CREBBP: variants seen among roughly 807,000 people sequenced by gnomAD.
CREBBP encodes CREB binding lysine acetyltransferase, also known as CREB-binding protein.
Under a neutral mutation model 265.0 loss-of-function variants are expected in CREBBP, and 19 were observed. The observed-to-expected ratio is 0.07, with a 90% confidence interval of 0.05 to 0.11. The LOEUF is 0.11. Among genes scored for constraint, CREBBP ranks in the 10% least tolerant of loss-of-function variants. The pLI, the probability that CREBBP is intolerant of heterozygous loss-of-function variation, is 1.00. For synonymous variants in CREBBP, 1,457 were observed against 1,223.7 expected, an observed-to-expected ratio of 1.19 and a Z score of -3.98; for missense variants, 2,525 against 3,219.0, an observed-to-expected ratio of 0.78 and a Z score of 5.22.
At chr16:3,849,466 TGTGTGTGTGTGTGTGTGTGTGTGA>T in intron 2 of CREBBP, among the ~76,000 whole-genome samples, 2 of 131,094 alleles carry the variant, frequency 1.5e-5, no homozygotes, top group Middle Eastern at 3.7e-3. Context: ...TGTGTGTGTG[TGTGTGTGTGTGTGTGTGTGTGTGA>T]TGTGCGTGAC....
rs2141490888 is a variant in CREBBP, at chr16:3,850,468, C to T, written c.627G>A (p.Met209Ile). Residue 209 changes from methionine to isoleucine, a missense_variant, in exon 2 of 31, where the codon ATG (methionine) becomes ATA (isoleucine). By Grantham distance (10) the Met-to-Ile change is conservative (BLOSUM62 1). Coordinates refer to ENST00000262367, the MANE Select transcript of CREBBP (RefSeq NM_004380.3). ...NQASQGQAQVMNGSLGAAGRG... is the reference protein window; with the variant it reads ...NQASQGQAQVINGSLGAAGRG... ...TGCCAGCAGCCCCAAGAGATCCATT[C>T]ATGACTTGCGCCTGCCCTTGTGAAG... 1.2e-6 allele frequency: 2 copies of T among 1,614,272 alleles called. No homozygotes were observed. The highest frequency in any genetic ancestry group is 1.7e-6 in the Non-Finnish European group (2 of 1,180,054).
chr16:3,828,937 T>C (rs1289923378), intron 2 of CREBBP, among the ~76,000 whole-genome samples: 5 of 152,152 alleles, frequency 3.3e-5, no homozygotes, highest in Non-Finnish European at 7.3e-5. Context: ...GGCATGTCCT[T>C]TTCTGCTCTT....
At chr16:3,854,992 TTACA>T (rs953039371) in intron 1 of CREBBP, among the ~76,000 whole-genome samples, 2 of 152,222 alleles carry the variant, frequency 1.3e-5, no homozygotes, top group African/African-American at 4.8e-5. Context: ...CAACATCCTC[TTACA>T]TAATCACAGT....
chr16:3,784,950 A>G (rs2053352485), intron 5 of CREBBP, among the ~76,000 whole-genome samples: 1 of 152,228 alleles, frequency 6.6e-6, no homozygotes, highest in Admixed American at 6.5e-5. Context: ...TTAAAAGAAA[A>G]TATACCTATG....
intron 3 of CREBBP, among the ~76,000 whole-genome samples, chr16:3,796,954 C>G (rs959327913): frequency 6.6e-6 from 1 of 152,190 alleles, no homozygotes; most frequent in African/African-American, 2.4e-5. Context: ...TTGTCTGGGA[C>G]TAGCTTAGTT....
rs770489187 is a variant in CREBBP at position 3,731,157 on chromosome 16, C to G, written c.5172+35G>C. On this transcript the variant is annotated intron_variant, in intron 30 of 30. Transcript: ENST00000262367. The surrounding 1 kb of genome is among the most constrained non-coding windows in gnomAD (Gnocchi z 7.7). The stretch of plus-strand genomic sequence containing the variant: ...ACAGGATGCTTCGTCAGACCCCAGG[C>G]CGGCTGTGGGGGTGGGGGTGGGGGC... 2 of 1,599,330 alleles carry G rather than the reference C, an allele frequency of 1.3e-6. No homozygotes were observed. Among genetic ancestry groups the G allele is most frequent in the Non-Finnish European group, 1.7e-6 (2 of 1,171,932 alleles).
At chr16:3,762,182 C>T (rs191725811) in intron 16 of CREBBP, among the ~76,000 whole-genome samples, 21 of 152,228 alleles carry the variant, frequency 1.4e-4, no homozygotes, top group East Asian at 1.4e-3. Flanking sequence ...GGCCTCAGGA[C>T]GCACAAAGCC....
rs374826846 is a variant in CREBBP at position 3,728,378 on chromosome 16, C to T, written c.6669G>A (p.Gly2223=). The T allele has an allele frequency of 1.9e-6, 3 of 1,613,516 alleles. No homozygotes were observed. Among genetic ancestry groups the T allele is most frequent in the Non-Finnish European group, 2.5e-6 (3 of 1,179,778 alleles). Residue 2223 remains glycine (G), a synonymous_variant, in exon 31 of 31, where the codon GGG becomes GGA. Transcript: ENST00000262367. This position sits in a 1 kb window ranked among gnomAD's most constrained non-coding sequence, Gnocchi z 8.7. The part of the protein sequence containing the change: ...QQQQGSAGMA[G]GMAGHGQFQQ... ...GGAACTGGCCGTGCCCCGCCATGCC[C>T]CCAGCCATGCCGGCACTCCCTTGCT... is the stretch of plus-strand genomic sequence containing the variant.
At chr16:3,738,432 C>G (rs1424576862) in intron 26 of CREBBP, 127 bp downstream of exon 26, 5 of 698,906 alleles carry the variant, frequency 7.2e-6, no homozygotes, top group Non-Finnish European at 1.3e-5. Context: ...TTTGGAGATT[C>G]TGAATTGATC....
At chr16:3,826,084 G>A (rs1396857926) in intron 2 of CREBBP, among the ~76,000 whole-genome samples, 1 of 152,188 alleles carries the variant, frequency 6.6e-6, no homozygotes, top group East Asian at 1.9e-4. Flanking sequence ...GCAGTGGCAT[G>A]AGCCTGTAGT....
chr16:3,757,142 G>A, intron 19 of CREBBP, 146 bp downstream of exon 19: 1 of 708,942 alleles, frequency 1.4e-6, no homozygotes, highest in Non-Finnish European at 2.6e-6. Context: ...CCAAAGTGCT[G>A]GGATTACAGG....
At chr16:3,844,981 G>C (rs1397991632) in intron 2 of CREBBP, among the ~76,000 whole-genome samples, 1 of 152,148 alleles carries the variant, frequency 6.6e-6, no homozygotes, top group East Asian at 1.9e-4. Context: ...GACTCAGGAA[G>C]TCACAAAACT....
intron 11 of CREBBP, among the ~76,000 whole-genome samples, chr16:3,776,794 C>T (rs2053149270): frequency 6.6e-6 from 1 of 151,888 alleles, no homozygotes; most frequent in South Asian, 2.1e-4. Context: ...GGGCAGATCA[C>T]AAGTTCACGC....
chr16:3,767,540 AGGGCAG>A, intron 16 of CREBBP, 174 bp downstream of exon 16: 1 of 777,174 alleles, frequency 1.3e-6, no homozygotes, highest in South Asian at 1.8e-5. Context: ...CCACAGGCAC[AGGGCAG>A]GGGTCCTGCT....
chr16:3,780,694 A>T, intron 8 of CREBBP, 38 bp downstream of exon 8: 1 of 1,611,306 alleles, frequency 6.2e-7, no homozygotes, highest in Non-Finnish European at 8.5e-7. Context: ...CACAGGAATA[A>T]AATCAAACAT....
chr16:3,810,023 G>A (rs1483920934), intron 3 of CREBBP, among the ~76,000 whole-genome samples: 2 of 152,136 alleles, frequency 1.3e-5, no homozygotes, highest in African/African-American at 4.8e-5. Flanking sequence ...ATTTGGTGGT[G>A]CAAAAGGAGA....
At chr16:3,760,692 C>T (rs2052696563) in intron 16 of CREBBP, among the ~76,000 whole-genome samples, 1 of 152,086 alleles carries the variant, frequency 6.6e-6, no homozygotes, top group Admixed American at 6.5e-5. Flanking sequence ...GCATGAGCCA[C>T]TGTACCCAGC....
In CREBBP at chr16:3,817,755, G is replaced by A. The variant is rs533969675; in HGVS notation, c.799-6976C>T. Among the ~76,000 whole-genome samples the A allele has an allele frequency of 7.9e-5, 12 of 152,234 alleles. No homozygotes were observed. The East Asian group carries it at 9.7e-4, about 12-fold the overall frequency. The stretch of plus-strand genomic sequence containing the variant: ...TCTGTCGAAAAGGTCAGAGAAACAC[G>A]TTCTTTGCAGGCCAAACTCCACTGG... On this transcript the variant is annotated intron_variant, in intron 2 of 30. Transcript: ENST00000262367.
intron 16 of CREBBP, among the ~76,000 whole-genome samples, chr16:3,759,391 C>T (rs1223250508): frequency 6.6e-6 from 1 of 152,044 alleles, no homozygotes; most frequent in Non-Finnish European, 1.5e-5. Context: ...GAGTTCAAGA[C>T]CAGCCTGACC....
Sources: allele counts gnomAD v4.1 joint callset (sites outside exome capture counted in the v4.1 genomes callset), GRCh38; gene constraint gnomAD v4.1.1; non-coding constraint Gnocchi (gnomAD v3.1); transcripts MANE v1.5; gene names NCBI Gene and HGNC (gene_info 2026-07-23, HGNC 2026-07-21).